Variants in HID1 observed in about 807,000 individuals in gnomAD.
The protein encoded by HID1 is HID1 domain containing.
A neutral mutation model predicts 89.7 loss-of-function variants in HID1; 42 were observed. The observed-to-expected ratio is 0.47, with a 90% CI of 0.37 to 0.61. The LOEUF is 0.61. HID1 is among the 20% of genes least tolerant of loss of function. The pLI is 0.00. For synonymous variants in HID1, 442 were observed against 433.8 expected, an observed-to-expected ratio of 1.02 and a Z score of -0.24; for missense variants, 854 against 1,039.3, an observed-to-expected ratio of 0.82 and a Z score of 2.45.
intron 16 of HID1, 84 bp from the exon 17 acceptor site, chr17:74,952,444 G>C: frequency 1.1e-6 from 1 of 920,774 alleles, no homozygotes; most frequent in Non-Finnish European, 1.8e-6. Context: ...AGAACCACAG[G>C]CTCCCCAAGG....
rs375277945 is a variant in HID1 at position 74,964,650 on chromosome 17, G to C, written c.67-18C>G. 5.0e-6 allele frequency: 8 copies of C among 1,606,998 alleles called. No individual in the cohort carries two copies. The African/African-American group carries it at 9.3e-5, about 19-fold the overall frequency. ...TCCACGGGCTGTGGGGGGACCAAGG[G>C]TCCAGAGTTACACAACTCCTGGCCA... is the stretch of plus-strand genomic sequence containing the variant. On this transcript the variant is annotated intron_variant, in intron 1 of 18. Coordinates refer to ENST00000425042, the MANE Select transcript of HID1 (RefSeq NM_030630.3).
rs1391343351 is a variant in HID1, at chr17:74,958,174, G to C, written c.1438C>G (p.Leu480Val). The change falls in exon 12 of 19, where the codon CTC becomes GTC. Residue 480 changes from leucine (L) to valine (V), a missense_variant. Transcript: ENST00000425042. The surrounding 1 kb of genome is among the most constrained non-coding windows in gnomAD (Gnocchi z 5.2). ...ACGATGGTGAGCAGGCAGTCGAAGA[G>C]GGGCTGCAACCGCTGGTGCCCGCTG... Reference protein sequence around the residue: ...ITSGHQRLQPLFDCLLTIVVN... With the variant: ...ITSGHQRLQPVFDCLLTIVVN... 1.9e-6 allele frequency: 3 copies of C among 1,611,078 alleles called. No homozygotes were observed. The highest frequency in any genetic ancestry group is 2.7e-5 in the African/African-American group (2 of 74,884).
chr17:74,954,905 A>C, intron 13 of HID1: 1 of 158,440 alleles, frequency 6.3e-6, no homozygotes, highest in Admixed American at 5.8e-5. Flanking sequence ...GCCCCACCTT[A>C]CCCCTATTTC....
At position 74,958,441 on chromosome 17, in the gene HID1, C is replaced by T; in HGVS notation, c.1278G>A (p.Leu426=). Residue 426 remains leucine (L), a synonymous_variant, in exon 11 of 19, where the codon TTG becomes TTA. Coordinates refer to ENST00000425042, the MANE Select transcript of HID1 (RefSeq NM_030630.3). This position sits in a 1 kb window ranked among gnomAD's most constrained non-coding sequence, Gnocchi z 5.2. Reference sequence around the variant, plus strand: ...AGTTCCGCTCCCCGCTCAGAAGCAGCAAGATGAAGACACCAATGTGCATCA... The same window carrying T: ...AGTTCCGCTCCCCGCTCAGAAGCAGTAAGATGAAGACACCAATGTGCATCA... The part of the protein sequence containing the change: ...VGLMHIGVFI[L]LLLSGERNFG... 1 of 1,601,362 alleles carries T rather than the reference C, an allele frequency of 6.2e-7. No individual in the cohort carries two copies. The highest frequency in any genetic ancestry group is 1.1e-5 in the South Asian group (1 of 89,164).
At chr17:74,953,932 C>T (rs575213835) in intron 14 of HID1, among the ~76,000 whole-genome samples, 1 of 152,124 alleles carries the variant, frequency 6.6e-6, no homozygotes, top group African/African-American at 2.4e-5. Flanking sequence ...AGTCTACACT[C>T]GCCCTGAGGC....
In HID1 at chr17:74,972,747, T is replaced by TC; in HGVS notation, c.-92dup. Reference sequence around the variant, plus strand: ...GCTCCAGCTCCGCGGCCCCCGCGGCTCTCGCAGGAGACAAGCGGCGCGCCC... The same window carrying TC: ...GCTCCAGCTCCGCGGCCCCCGCGGCTCCTCGCAGGAGACAAGCGGCGCGCCC... On this transcript the variant is annotated 5_prime_UTR_variant, in exon 1 of 19. Transcript: ENST00000425042. The surrounding 1 kb of genome is among the most constrained non-coding windows in gnomAD (Gnocchi z 6.4). 1 of 1,258,030 alleles carries TC rather than the reference T, an allele frequency of 7.9e-7. No homozygotes were observed. Among genetic ancestry groups the TC allele is most frequent in the Non-Finnish European group, 1.1e-6 (1 of 939,100 alleles). 77.9% of individuals were successfully genotyped at this position (1,258,030 alleles called of 1,614,324 possible).
At position 74,958,633 on chromosome 17, in the gene HID1, C is replaced by T; in HGVS notation, c.1240+40G>A. 1 of 1,601,492 alleles carries T rather than the reference C, an allele frequency of 6.2e-7. No individual in the cohort carries two copies. Among genetic ancestry groups the T allele is most frequent in the Admixed American group, 1.7e-5 (1 of 59,870 alleles). On this transcript the variant is annotated intron_variant, in intron 10 of 18. Transcript: ENST00000425042. This position sits in a 1 kb window ranked among gnomAD's most constrained non-coding sequence, Gnocchi z 5.2. The stretch of plus-strand genomic sequence containing the variant: ...GATAGCCAGCCCTCCACCTCGCCGC[C>T]AGGAAAGCCCCCAGCATCCCACCCC...
intron 14 of HID1, among the ~76,000 whole-genome samples, chr17:74,953,922 A>G (rs1238448041): frequency 6.8e-6 from 1 of 146,588 alleles, no homozygotes; most frequent in African/African-American, 2.6e-5. Flanking sequence ...ATCCCTCCAG[A>G]GTCTACACTC....
At position 74,956,009 on chromosome 17, in the gene HID1, C is replaced by T. The variant is rs538892044; in HGVS notation, c.1472-53G>A. ...GGGCCCCTCAGCCAAGCCATCCCTG[C>T]ACATCCTGGGCCGGGGTGGAACAAC... On this transcript the variant is annotated intron_variant, in intron 12 of 18. Transcript: ENST00000425042. 7 of 1,573,842 alleles carry T rather than the reference C, an allele frequency of 4.4e-6. No individual in the cohort carries two copies. The South Asian group carries it at 6.8e-5, about 15-fold the overall frequency.
intron 15 of HID1, 24 bp from the exon 16 acceptor site, chr17:74,953,110 G>T: frequency 6.3e-7 from 1 of 1,576,010 alleles, no homozygotes; most frequent in Non-Finnish European, 8.6e-7. Context: ...AGGAACAGGG[G>T]TGAGGGATGG....
In HID1 at chr17:74,952,990, CAG is replaced by C. The variant is rs1219471444; in HGVS notation, c.2052+14_2052+15del. 2 of 1,591,700 alleles carry C rather than the reference CAG, an allele frequency of 1.3e-6. No homozygotes were observed. The highest frequency in any genetic ancestry group is 1.7e-6 in the Non-Finnish European group (2 of 1,169,248). On this transcript the variant is annotated intron_variant, in intron 16 of 18. Coordinates refer to ENST00000425042, the MANE Select transcript of HID1 (RefSeq NM_030630.3). Reference sequence around the variant, plus strand: ...AACCCCAGCCCCCGCTCGCCTGGCACAGGGTCCCTCCTCACCCACTCTGGCGT... The same window carrying C: ...AACCCCAGCCCCCGCTCGCCTGGCACGGTCCCTCCTCACCCACTCTGGCGT...
At chr17:74,955,980 T>A in intron 12 of HID1, 24 bp from the exon 13 acceptor site, 1 of 1,607,984 alleles carries the variant, frequency 6.2e-7, no homozygotes, top group Non-Finnish European at 8.5e-7. Context: ...GTCAGCTCAC[T>A]CCTGGGCCCC....
intron 6 of HID1, chr17:74,961,664 C>T (rs1030242250): frequency 8.6e-6 from 3 of 347,050 alleles, no homozygotes; most frequent in African/African-American, 2.1e-5. Context: ...GACCCAGGGA[C>T]GGATTACTGA....
intron 13 of HID1, 47 bp from the exon 14 acceptor site, chr17:74,954,412 C>A (rs1223471035): frequency 8.4e-6 from 13 of 1,547,660 alleles, no homozygotes; most frequent in Admixed American, 5.9e-5. Context: ...CCCTCCAGCT[C>A]CCCCCGTCCA....
chr17:74,955,390 A>C (rs1459920570), intron 13 of HID1, among the ~76,000 whole-genome samples: 1 of 151,906 alleles, frequency 6.6e-6, no homozygotes, highest in East Asian at 1.9e-4. Flanking sequence ...AATCCCAGCT[A>C]CTTGGGAGGC....
At chr17:74,953,194 A>C in intron 15 of HID1, 108 bp from the exon 16 acceptor site, 1 of 988,842 alleles carries the variant, frequency 1.0e-6, no homozygotes, top group South Asian at 1.6e-5. Flanking sequence ...ACAAAGGGGA[A>C]GGCCCAGCCC....
rs767347096 is a variant in HID1 at position 74,962,187 on chromosome 17, C to G, written c.611+47G>C. On this transcript the variant is annotated intron_variant, in intron 5 of 18. Coordinates refer to ENST00000425042, the MANE Select transcript of HID1 (RefSeq NM_030630.3). This position sits in a 1 kb window ranked among gnomAD's most constrained non-coding sequence, Gnocchi z 4.3. ...CTTTCTGAGCTGTGCGGGGGCCCGG[C>G]CCGGGGTCCAGCTGCATTGAGGGCT... 2 of 1,496,512 alleles carry G rather than the reference C, an allele frequency of 1.3e-6. No individual in the cohort carries two copies. The highest frequency in any genetic ancestry group is 1.2e-5 in the South Asian group (1 of 83,964). The allele number at this position is 1,496,512 out of a possible 1,614,324, so 92.7% of individuals were successfully genotyped here. A position where few individuals can be genotyped will look rare whatever the true frequency, so the allele number is the denominator to read the frequency against.
At chr17:74,953,490 CA>C in intron 15 of HID1, 54 bp downstream of exon 15, 1 of 1,453,648 alleles carries the variant, frequency 6.9e-7, no homozygotes, top group Non-Finnish European at 9.6e-7. Flanking sequence ...CTGCAGAGAC[CA>C]GGGAGGAAGG....
intron 2 of HID1, 137 bp from the exon 3 acceptor site, chr17:74,964,047 C>T: frequency 1.1e-6 from 1 of 886,428 alleles, no homozygotes; most frequent in Middle Eastern, 3.3e-4. Flanking sequence ...ACAGTGGGGC[C>T]ACAGGCAGAG....
Sources: gnomAD v4.1 joint callset for allele counts (sites outside exome capture counted in the v4.1 genomes callset) on GRCh38, gnomAD v4.1.1 for gene constraint, Gnocchi (gnomAD v3.1) non-coding constraint, MANE v1.5 for transcripts, NCBI Gene and HGNC (gene_info 2026-07-23, HGNC 2026-07-21) for gene names.